DNAH9: variants seen among roughly 807,000 people sequenced by gnomAD.
DNAH9 encodes the protein DNAH9 variant protein.
In DNAH9, 345 loss-of-function variants were observed where a neutral mutation model predicts 471.6. That is an observed-to-expected ratio of 0.73 (90% CI 0.67 to 0.80). The LOEUF is 0.80. DNAH9 is among the 30% of genes least tolerant of loss of function. The pLI, the probability that DNAH9 is intolerant of heterozygous loss-of-function variation, is 0.00. For missense variants in DNAH9, 5,407 were observed against 5,609.2 expected, an observed-to-expected ratio of 0.96 and a Z score of 1.15; for synonymous variants, 2,093 against 2,123.6, an observed-to-expected ratio of 0.99 and a Z score of 0.40.
At chr17:11,879,632 T>C (rs1340392261) in intron 53 of DNAH9, among the ~76,000 whole-genome samples, 1 of 151,644 alleles carries the variant, frequency 6.6e-6, no homozygotes, top group Non-Finnish European at 1.5e-5. Flanking sequence ...GATTGATAAA[T>C]TAAGGTGTAT....
chr17:11,850,302 G>A (rs1388731084), intron 49 of DNAH9, among the ~76,000 whole-genome samples: 1 of 152,210 alleles, frequency 6.6e-6, no homozygotes, highest in South Asian at 2.1e-4. Context: ...TCCTAAGACA[G>A]AGTGGAGTGG....
chr17:11,931,862 T>C, intron 63 of DNAH9, 152 bp from the exon 64 acceptor site: 5 of 817,722 alleles, frequency 6.1e-6, no homozygotes, highest in Non-Finnish European at 1.0e-5. Flanking sequence ...CTTCCACACG[T>C]TCCCCCCAGG....
chr17:11,755,574 T>C (rs987680385), intron 33 of DNAH9, among the ~76,000 whole-genome samples: 6 of 152,178 alleles, frequency 3.9e-5, no homozygotes, highest in African/African-American at 1.4e-4. Flanking sequence ...TAATATGAAA[T>C]GTAAGTTCTT....
rs80324065 is a variant in DNAH9 at position 11,969,615 on chromosome 17, T to G, written c.*88T>G. Reference sequence around the variant, plus strand: ...TGGGTGAAGGGTCACCACAGACACTTAGAACGGTAAGAAACCATGAGCACT... The same window carrying G: ...TGGGTGAAGGGTCACCACAGACACTGAGAACGGTAAGAAACCATGAGCACT... On this transcript the variant is annotated 3_prime_UTR_variant, in exon 69 of 69. Coordinates refer to ENST00000262442, the MANE Select transcript of DNAH9 (RefSeq NM_001372.4). 9.3e-7 allele frequency: 1 copy of G among 1,074,838 alleles called. No homozygotes were observed. The highest frequency in any genetic ancestry group is 1.3e-6 in the Non-Finnish European group (1 of 764,900). 66.6% of individuals were successfully genotyped at this position (1,074,838 alleles called of 1,614,324 possible).
chr17:11,886,506 C>CTTTT lies in DNAH9; in HGVS notation c.10972-304_10972-301dup, dbSNP rs55645155. Among the ~76,000 whole-genome samples, 314 of 127,256 alleles carry CTTTT rather than the reference C, an allele frequency of 2.5e-3. 4 individuals are homozygous for CTTTT. The highest frequency in any genetic ancestry group is 8.3e-3 in the African/African-American group (280 of 33,736). The allele number at this position is 127,256 out of a possible 152,430, so 83.5% of individuals were successfully genotyped here. On this transcript the variant is annotated intron_variant, in intron 56 of 68. Transcript: ENST00000262442. ...CATTCTAGTTCATTTTTGAGTCATA[C>CTTTT]TTTTTTTTTTTTTTTTTTGCATTTC...
chr17:11,921,789 C>T (rs1974147532), intron 61 of DNAH9, among the ~76,000 whole-genome samples: 1 of 152,158 alleles, frequency 6.6e-6, no homozygotes. Flanking sequence ...ATTGTCATGC[C>T]TCAAGCCCAG....
rs1410048039 is a variant in DNAH9, at chr17:11,673,051, A to G, written c.3353+3257A>G. On this transcript the variant is annotated intron_variant, in intron 17 of 68. Coordinates refer to ENST00000262442, the MANE Select transcript of DNAH9 (RefSeq NM_001372.4). ...TGACTGTTTAAACTCAGTGCTCCAC[A>G]CCTGCTCCTGAGCAATTCATCCCTG... 3.9e-5 allele frequency among the ~76,000 whole-genome samples: 6 copies of G among 152,134 alleles called. No homozygotes were observed. In the South Asian group the frequency reaches 1.0e-3, roughly 26 times the overall value.
intron 43 of DNAH9, among the ~76,000 whole-genome samples, chr17:11,803,209 CT>C (rs1483653829): frequency 2.6e-5 from 4 of 152,202 alleles, no homozygotes; most frequent in African/African-American, 7.2e-5. Context: ...TAAACCAGAT[CT>C]TTTCCCCCGC....
At chr17:11,637,578 C>A (rs1597416656) in intron 9 of DNAH9, among the ~76,000 whole-genome samples, 1 of 152,050 alleles carries the variant, frequency 6.6e-6, no homozygotes, top group Admixed American at 6.6e-5. Context: ...GCCTGGGTGA[C>A]AGAGCCAGAC....
rs537680536 is a variant in DNAH9 at position 11,886,100 on chromosome 17, A to G, written c.10972-725A>G. 3.3e-5 allele frequency among the ~76,000 whole-genome samples: 5 copies of G among 152,312 alleles called. No homozygotes were observed. The South Asian group carries it at 6.2e-4, about 19-fold the overall frequency. On this transcript the variant is annotated intron_variant, in intron 56 of 68. Coordinates refer to ENST00000262442, the MANE Select transcript of DNAH9 (RefSeq NM_001372.4). ...CACTTTGGGAGGCTGAGGCAGGTGG[A>G]TCACCTGAGGTCAGGAGTTCGAGAC...
At chr17:11,651,418 T>C (rs921867955) in intron 13 of DNAH9, 94 bp downstream of exon 13, 20 of 1,328,318 alleles carry the variant, frequency 1.5e-5, no homozygotes, top group Non-Finnish European at 1.8e-5. Flanking sequence ...GGTAATCTTA[T>C]TTGGGGTTGA....
chr17:11,656,992 T>C (rs919686915), intron 14 of DNAH9, among the ~76,000 whole-genome samples: 1 of 152,150 alleles, frequency 6.6e-6, no homozygotes, highest in African/African-American at 2.4e-5. Context: ...CTGATGATGG[T>C]CTTTGAGTTA....
At chr17:11,844,724 ATTTAACT>A (rs1971152793) in intron 49 of DNAH9, among the ~76,000 whole-genome samples, 1 of 152,050 alleles carries the variant, frequency 6.6e-6, no homozygotes, top group Non-Finnish European at 1.5e-5. Flanking sequence ...TTTTTTTATC[ATTTAACT>A]TTTAAGTTCA....
intron 52 of DNAH9, among the ~76,000 whole-genome samples, chr17:11,874,330 AG>A (rs1234207928): frequency 6.6e-6 from 1 of 152,036 alleles, no homozygotes; most frequent in African/African-American, 2.4e-5. Context: ...GGAGCCCTGA[AG>A]GGGCCTAAGA....
In DNAH9 at chr17:11,890,939, T is replaced by C. The variant is rs947741424; in HGVS notation, c.11113-838T>C. Among the ~76,000 whole-genome samples the C allele has an allele frequency of 2.6e-5, 4 of 152,204 alleles. No homozygotes were observed. In the South Asian group the frequency reaches 6.2e-4, roughly 24 times the overall value. ...TGGCCTCAAGTGATCCTCTCAGCTC[T>C]ACCTCCCAAAGTGCTGAGATTACAG... On this transcript the variant is annotated intron_variant, in intron 57 of 68. Transcript: ENST00000262442.
Position 11,869,243 on chromosome 17 carries a change from C to T in DNAH9, c.10043C>T (p.Ala3348Val). The change falls in exon 51 of 69, where the codon GCC (alanine) becomes GTC (valine). Residue 3348 changes from alanine (A) to valine (V), a missense_variant. By Grantham distance (64) the Ala-to-Val change is moderately conservative. Around this residue, in one of 3 missense-constraint regions of DNAH9, gnomAD observed 4,636 missense variants for 4,900.3 expected, o/e 0.95. Coordinates refer to ENST00000262442, the MANE Select transcript of DNAH9 (RefSeq NM_001372.4). ...AEVTAVTISLANRLVGGLASE... is the reference protein window; with the variant it reads ...AEVTAVTISLVNRLVGGLASE... Reference sequence around the variant, plus strand: ...GTGACCGCAGTCACCATCTCCCTTGCCAACCGCCTGGTGAGTGTAAGCCAC... The same window carrying T: ...GTGACCGCAGTCACCATCTCCCTTGTCAACCGCCTGGTGAGTGTAAGCCAC... 6.2e-7 allele frequency: 1 copy of T among 1,613,504 alleles called. No homozygotes were observed. Among genetic ancestry groups the T allele is most frequent in the Non-Finnish European group, 8.5e-7 (1 of 1,179,734 alleles).
chr17:11,873,197 A>C (rs1434483910), intron 52 of DNAH9, among the ~76,000 whole-genome samples: 3 of 152,244 alleles, frequency 2.0e-5, no homozygotes, highest in Non-Finnish European at 4.4e-5. Flanking sequence ...TGTTGAAGGA[A>C]CCATCATTAA....
intron 43 of DNAH9, among the ~76,000 whole-genome samples, chr17:11,799,317 C>T (rs1296165052): frequency 6.6e-6 from 1 of 152,080 alleles, no homozygotes; most frequent in East Asian, 1.9e-4. Flanking sequence ...TATCCGTTAT[C>T]TCTCCCCCTA....
intron 54 of DNAH9, 21 bp from the exon 55 acceptor site, chr17:11,881,188 A>C: frequency 6.2e-7 from 1 of 1,613,820 alleles, no homozygotes; most frequent in South Asian, 1.1e-5. Context: ...CCTTACCTTC[A>C]CATGAGCCTT....
Sources: allele counts gnomAD v4.1 joint callset (sites outside exome capture counted in the v4.1 genomes callset), GRCh38; gene constraint gnomAD v4.1.1; regional missense constraint gnomAD v4.1.1; transcripts MANE v1.5; gene names NCBI Gene and HGNC (gene_info 2026-07-23, HGNC 2026-07-21).